The following ME3 variants were observed in gnomAD, a reference collection of about 807,000 sequenced individuals.
The protein encoded by ME3 is malic enzyme 3.
Under a neutral mutation model 68.9 loss-of-function variants are expected in ME3, and 48 were observed. The observed-to-expected ratio is 0.70, with a 90% confidence interval of 0.55 to 0.89. The LOEUF (loss-of-function observed/expected upper bound fraction) is 0.89. Ranked by LOEUF, ME3 falls within the 40% of genes least tolerant of loss-of-function variation. ME3 has a pLI of 0.00. For synonymous variants in ME3, 320 were observed against 318.8 expected (o/e 1.00, Z -0.04); for missense variants, 675 against 797.4 (o/e 0.85, Z 1.85).
At chr11:86,479,304 C>T (rs780298857) in intron 7 of ME3, among the ~76,000 whole-genome samples, 8 of 152,236 alleles carry the variant, frequency 5.3e-5, no homozygotes, top group Non-Finnish European at 1.0e-4. Flanking sequence ...CCCTGGTTCT[C>T]CAGCTTGCAG....
At chr11:86,669,274 G>C (rs1946767661) in intron 2 of ME3, among the ~76,000 whole-genome samples, 1 of 152,216 alleles carries the variant, frequency 6.6e-6, no homozygotes, top group South Asian at 2.1e-4. Flanking sequence ...TCCCAGACAA[G>C]CATCAGCTGA....
Position 86,600,214 on chromosome 11 carries a change from C to T in ME3, c.184-40391G>A, listed in dbSNP as rs4500512. Among the ~76,000 whole-genome samples, 22 of 151,502 alleles carry T rather than the reference C, an allele frequency of 1.5e-4. No individual in the cohort carries two copies. The South Asian group carries it at 1.7e-3, about 11-fold the overall frequency. The stretch of plus-strand genomic sequence containing the variant: ...TGCTGTATTCAGGAAACCCATCTCA[C>T]GTGCAGAGACACACATAGGCTCAAA... On this transcript the variant is annotated intron_variant, in intron 2 of 14. Transcript: ENST00000543262.
chr11:86,530,495 C>A (rs1409038556), intron 4 of ME3, among the ~76,000 whole-genome samples: 1 of 152,210 alleles, frequency 6.6e-6, no homozygotes, highest in Non-Finnish European at 1.5e-5. Flanking sequence ...TTGGAAAAAA[C>A]TACTTTAAAG....
At chr11:86,554,785 C>T (rs912120466) in intron 4 of ME3, among the ~76,000 whole-genome samples, 1 of 152,196 alleles carries the variant, frequency 6.6e-6, no homozygotes, top group Admixed American at 6.5e-5. Flanking sequence ...CTTTCCCAAC[C>T]GAGTGACAAT....
At chr11:86,450,264 TC>T in intron 9 of ME3, 36 bp downstream of exon 9, 1 of 1,593,842 alleles carries the variant, frequency 6.3e-7, no homozygotes, top group South Asian at 1.1e-5. Context: ...CTTATTCTCT[TC>T]CTGGAGCAAC....
intron 2 of ME3, among the ~76,000 whole-genome samples, chr11:86,599,855 T>C (rs898087460): frequency 2.0e-5 from 3 of 152,026 alleles, no homozygotes; most frequent in African/African-American, 7.2e-5. Flanking sequence ...CAAACTAAGC[T>C]TCATAAGTGG....
At chr11:86,535,355 G>A (rs191560692) in intron 4 of ME3, among the ~76,000 whole-genome samples, 1 of 152,126 alleles carries the variant, frequency 6.6e-6, no homozygotes, top group Admixed American at 6.5e-5. Context: ...GGCTTATCCA[G>A]GGTTCATCCT....
chr11:86,467,553 C>G (rs543609998), intron 7 of ME3, among the ~76,000 whole-genome samples: 22 of 152,136 alleles, frequency 1.4e-4, no homozygotes, highest in Non-Finnish European at 2.6e-4. Context: ...CTACAAGATT[C>G]CCAGTGTTGC....
intron 4 of ME3, among the ~76,000 whole-genome samples, chr11:86,533,882 TACAC>T (rs964465042): frequency 2.0e-5 from 3 of 152,082 alleles, no homozygotes. Context: ...TATAGCCTAT[TACAC>T]ACCTACGCTA....
At chr11:86,561,520 C>T (rs984956660) in intron 2 of ME3, among the ~76,000 whole-genome samples, 1 of 152,182 alleles carries the variant, frequency 6.6e-6, no homozygotes. Flanking sequence ...TTAAGCTGAA[C>T]ATAAGTTCAT....
intron 4 of ME3, among the ~76,000 whole-genome samples, chr11:86,550,459 T>A (rs915035784): frequency 2.0e-5 from 3 of 152,100 alleles, no homozygotes; most frequent in Non-Finnish European, 2.9e-5. Flanking sequence ...GCTCTCCCTA[T>A]AACAGCCAAG....
intron 4 of ME3, among the ~76,000 whole-genome samples, chr11:86,547,257 A>G (rs925749227): frequency 1.5e-4 from 23 of 151,448 alleles, no homozygotes; most frequent in African/African-American, 1.9e-4. Context: ...AAAAAAAAAA[A>G]AAAGAAAATG....
At chr11:86,610,518 G>C (rs1942484215) in intron 2 of ME3, among the ~76,000 whole-genome samples, 1 of 152,180 alleles carries the variant, frequency 6.6e-6, no homozygotes, top group Admixed American at 6.5e-5. Flanking sequence ...GTGCACAAAG[G>C]TAGAAGGTGC....
At chr11:86,450,256 T>C (rs751035588) in intron 9 of ME3, 45 bp downstream of exon 9, 3 of 1,576,862 alleles carry the variant, frequency 1.9e-6, no homozygotes, top group Middle Eastern at 1.7e-4. Flanking sequence ...CACCCATTCT[T>C]ATTCTCTTCC....
intron 4 of ME3, among the ~76,000 whole-genome samples, chr11:86,534,579 G>T (rs1385778596): frequency 6.6e-6 from 1 of 152,082 alleles, no homozygotes; most frequent in Non-Finnish European, 1.5e-5. Context: ...GGAGACTGAG[G>T]CAGGAGAACT....
At chr11:86,628,032 G>C (rs12290684) in intron 2 of ME3, among the ~76,000 whole-genome samples, 23,665 of 152,240 alleles carry the variant, frequency 0.16, 2,517 homozygotes, top group East Asian at 0.39. Flanking sequence ...CAGCCTGAGA[G>C]ACAGCAAAGA....
rs569957090 is a variant in ME3 at position 86,546,799 on chromosome 11, A to C, written c.467+9754T>G. On this transcript the variant is annotated intron_variant, in intron 4 of 14. Coordinates refer to ENST00000543262, the Ensembl canonical transcript of ME3. ...TAGAACCAGAAATACAATTTGACCCAGCAATCCCATTACTGGGTATATACC... is the reference window on the plus strand; with the variant it reads ...TAGAACCAGAAATACAATTTGACCCCGCAATCCCATTACTGGGTATATACC... 1.0e-4 allele frequency among the ~76,000 whole-genome samples: 16 copies of C among 152,382 alleles called. No individual in the cohort carries two copies. In the South Asian group the frequency reaches 3.3e-3, roughly 32 times the overall value.
intron 5 of ME3, among the ~76,000 whole-genome samples, chr11:86,498,945 C>T (rs1361720544): frequency 1.3e-5 from 2 of 152,158 alleles, no homozygotes; most frequent in African/African-American, 2.4e-5. Flanking sequence ...TGCATGGACA[C>T]AGCCCTTAAA....
At chr11:86,441,491 T>C (rs1565781060) in intron 14 of ME3, 51 bp from the exon 15 acceptor site, 3 of 1,499,442 alleles carry the variant, frequency 2.0e-6, no homozygotes, top group Non-Finnish European at 2.7e-6. Flanking sequence ...GGAAACCTGC[T>C]TAAGGATCCT....
Sources: allele counts gnomAD v4.1 joint callset (sites outside exome capture counted in the v4.1 genomes callset), GRCh38; gene constraint gnomAD v4.1.1; transcripts MANE v1.5; gene names NCBI Gene and HGNC (gene_info 2026-07-23, HGNC 2026-07-21).